The following ZNF385D variants were observed in gnomAD, a reference collection of about 807,000 sequenced individuals.
ZNF385D encodes zinc finger protein 385D.
Under a neutral mutation model 35.8 loss-of-function variants are expected in ZNF385D, and 15 were observed. The ratio of observed to expected loss-of-function variants is 0.42; its 90% CI spans 0.28 to 0.64. ZNF385D has a LOEUF of 0.64. Among genes scored for constraint, ZNF385D ranks in the 30% least tolerant of loss-of-function variants. The pLI is 0.23. For missense variants in ZNF385D, 474 were observed against 494.6 expected, an observed-to-expected ratio of 0.96 and a Z score of 0.39; for synonymous variants, 212 against 186.8, an observed-to-expected ratio of 1.13 and a Z score of -1.10.
chr3:22,170,631 C>A, intron 2 of ZNF385D, among the ~76,000 whole-genome samples: 1 of 152,032 alleles, frequency 6.6e-6, no homozygotes, highest in Non-Finnish European at 1.5e-5. Context: ...TTTAAATGGT[C>A]ATTTTAAAAG....
At chr3:21,457,332 T>C (rs1258804666) in intron 4 of ZNF385D, among the ~76,000 whole-genome samples, 1 of 124,398 alleles carries the variant, frequency 8.0e-6, no homozygotes, top group Admixed American at 9.4e-5. Context: ...AGGAGAGTGG[T>C]TATTTGTTGT....
At chr3:21,529,405 T>G (rs1310345629) in intron 3 of ZNF385D, among the ~76,000 whole-genome samples, 1 of 152,156 alleles carries the variant, frequency 6.6e-6, no homozygotes, top group Non-Finnish European at 1.5e-5. Context: ...AAAACTACTT[T>G]TATTTCAGGA....
At chr3:21,611,029 C>G (rs2064660889) in intron 2 of ZNF385D, among the ~76,000 whole-genome samples, 1 of 152,160 alleles carries the variant, frequency 6.6e-6, no homozygotes, top group Non-Finnish European at 1.5e-5. Flanking sequence ...TTTCTATAAG[C>G]AACTTACAGC....
intron 2 of ZNF385D, among the ~76,000 whole-genome samples, chr3:22,192,972 G>A (rs572931573): frequency 6.6e-6 from 1 of 152,008 alleles, no homozygotes; most frequent in South Asian, 2.1e-4. Flanking sequence ...TTTTGACAAA[G>A]GTCTATTTAA....
chr3:21,785,392 ATG>A (rs998649964), intron 3 of ZNF385D, among the ~76,000 whole-genome samples: 1 of 152,134 alleles, frequency 6.6e-6, no homozygotes, highest in African/African-American at 2.4e-5. Flanking sequence ...GTGTATATAT[ATG>A]TGTGTGTGAG....
At chr3:21,865,875 C>A (rs1341122920) in intron 3 of ZNF385D, among the ~76,000 whole-genome samples, 1 of 151,982 alleles carries the variant, frequency 6.6e-6, no homozygotes, top group Non-Finnish European at 1.5e-5. Context: ...GTATTTGCAG[C>A]TTAAAGCTAT....
Position 21,575,072 on chromosome 3 carries a change from T to C in ZNF385D, c.166-10388A>G, listed in dbSNP as rs2063455728. Reference sequence around the variant, plus strand: ...TGTAAAATTCAGAGTGAAACAAATATGGATTTCTGTTATAAAATTTATCAT... The same window carrying C: ...TGTAAAATTCAGAGTGAAACAAATACGGATTTCTGTTATAAAATTTATCAT... On this transcript the variant is annotated intron_variant, in intron 2 of 7. Transcript: ENST00000281523. 7.2e-5 allele frequency among the ~76,000 whole-genome samples: 11 copies of C among 152,222 alleles called. No homozygotes were observed. In the South Asian group the frequency reaches 2.3e-3, roughly 32 times the overall value.
At chr3:21,467,460 A>G (rs1703592442) in intron 4 of ZNF385D, among the ~76,000 whole-genome samples, 1 of 152,190 alleles carries the variant, frequency 6.6e-6, no homozygotes, top group African/African-American at 2.4e-5. Flanking sequence ...GAACAAAATT[A>G]TTTACAAAAA....
chr3:22,325,277 A>G (rs139033295), intron 2 of ZNF385D, among the ~76,000 whole-genome samples: 3 of 152,332 alleles, frequency 2.0e-5, no homozygotes, highest in Admixed American at 2.0e-4. Context: ...TAGAACTTTT[A>G]CATGTGGCTA....
At chr3:21,448,253 G>A (rs1240541345) in intron 4 of ZNF385D, among the ~76,000 whole-genome samples, 1 of 152,076 alleles carries the variant, frequency 6.6e-6, no homozygotes, top group African/African-American at 2.4e-5. Context: ...TGGAAGTATA[G>A]AAAAGGAAAT....
At chr3:22,296,614 T>G (rs1478256296) in intron 2 of ZNF385D, among the ~76,000 whole-genome samples, 6 of 152,112 alleles carry the variant, frequency 3.9e-5, no homozygotes, top group African/African-American at 1.2e-4. Context: ...TGCCTCAGTT[T>G]GAACACTGAG....
intron 2 of ZNF385D, among the ~76,000 whole-genome samples, chr3:22,234,544 A>G (rs928435075): frequency 2.6e-5 from 4 of 151,944 alleles, no homozygotes; most frequent in Non-Finnish European, 4.4e-5. Context: ...GCATCCCACC[A>G]TAATCTTAGC....
At chr3:22,073,057 T>G (rs910713866) in intron 3 of ZNF385D, among the ~76,000 whole-genome samples, 3 of 151,896 alleles carry the variant, frequency 2.0e-5, no homozygotes, top group African/African-American at 7.2e-5. Flanking sequence ...ACCATTAAAC[T>G]AGAAAGCTCT....
intron 3 of ZNF385D, among the ~76,000 whole-genome samples, chr3:21,815,840 A>C (rs1024996639): frequency 6.6e-6 from 1 of 152,228 alleles, no homozygotes; most frequent in African/African-American, 2.4e-5. Context: ...TGAGGCCAGC[A>C]TCATTCTGAT....
intron 3 of ZNF385D, among the ~76,000 whole-genome samples, chr3:22,126,765 T>C (rs1466316146): frequency 6.6e-6 from 1 of 152,168 alleles, no homozygotes; most frequent in Non-Finnish European, 1.5e-5. Context: ...ATCTGCCCAA[T>C]GCTGAAAGTG....
chr3:22,369,821 A>G (rs913267311), intron 2 of ZNF385D, among the ~76,000 whole-genome samples: 9 of 152,222 alleles, frequency 5.9e-5, no homozygotes, highest in Non-Finnish European at 1.2e-4. Flanking sequence ...AAATCTTTAT[A>G]GACAGTACTA....
At chr3:22,214,265 C>A (rs542979250) in intron 2 of ZNF385D, among the ~76,000 whole-genome samples, 2 of 152,180 alleles carry the variant, frequency 1.3e-5, no homozygotes, top group Non-Finnish European at 2.9e-5. Flanking sequence ...ATTTCCTATG[C>A]CTGTCTTTAC....
chr3:21,608,032 T>C (rs1374228827), intron 2 of ZNF385D, among the ~76,000 whole-genome samples: 1 of 147,790 alleles, frequency 6.8e-6, no homozygotes, highest in African/African-American at 2.5e-5. Context: ...TGTTTTTTTT[T>C]TTTGAGTCTT....
At chr3:21,562,217 TAAG>T (rs1422750431) in intron 3 of ZNF385D, 1 of 152,136 alleles carries the variant, frequency 6.6e-6, no homozygotes, top group Non-Finnish European at 1.5e-5. Context: ...GGAAATGAAA[TAAG>T]AATACATTTT....
Sources: gnomAD v4.1 joint callset for allele counts (sites outside exome capture counted in the v4.1 genomes callset) on GRCh38, gnomAD v4.1.1 for gene constraint, MANE v1.5 for transcripts, NCBI Gene and HGNC (gene_info 2026-07-23, HGNC 2026-07-21) for gene names.